Variants in HSF2BP observed in about 807,000 individuals in gnomAD.
HSF2BP encodes the protein heat shock factor 2-binding protein.
A neutral mutation model predicts 35.0 loss-of-function variants in HSF2BP; 35 were observed. That is an observed-to-expected ratio of 1.00 (90% CI 0.76 to 1.32). The LOEUF is 1.32. Ranked by LOEUF, HSF2BP falls within the 40% of genes most tolerant of loss-of-function variation. The pLI, the probability that HSF2BP is intolerant of heterozygous loss-of-function variation, is 0.00. For synonymous variants in HSF2BP, 114 were observed against 117.4 expected (o/e 0.97, Z 0.18); for missense variants, 326 against 321.7 (o/e 1.01, Z -0.10).
chr21:43,619,181 T>C (rs2082304931), intron 6 of HSF2BP, among the ~76,000 whole-genome samples: 1 of 152,048 alleles, frequency 6.6e-6, no homozygotes, highest in African/African-American at 2.4e-5. Flanking sequence ...AACCAAAAAA[T>C]TCATGTGACT....
At chr21:43,612,015 G>T (rs537301359) in intron 7 of HSF2BP, among the ~76,000 whole-genome samples, 2 of 152,134 alleles carry the variant, frequency 1.3e-5, no homozygotes, top group Admixed American at 1.3e-4. Context: ...GACCACCCAG[G>T]TCTCAGACTG....
chr21:43,659,126 C>T lies in HSF2BP; in HGVS notation c.-225+260G>A, dbSNP rs2082927358. On this transcript the variant is annotated intron_variant, in intron 1 of 8. Transcript: ENST00000291560. This position sits in a 1 kb window ranked among gnomAD's most constrained non-coding sequence, Gnocchi z 4.2. ...CAGCTTGGGCAACATAGCGAGACAC[C>T]GTCTCTACAAAAAAATAACAAATAG... 6.6e-6 allele frequency among the ~76,000 whole-genome samples: 1 copy of T among 152,000 alleles called. No homozygotes were observed. Among genetic ancestry groups the T allele is most frequent in the Non-Finnish European group, 1.5e-5 (1 of 68,000 alleles).
chr21:43,572,544 G>C (rs765024538), intron 8 of HSF2BP, among the ~76,000 whole-genome samples: 1 of 152,192 alleles, frequency 6.6e-6, no homozygotes, highest in South Asian at 2.1e-4. Flanking sequence ...CGCACACAGG[G>C]AAGGCCCACT....
chr21:43,656,700 T>C lies in HSF2BP; in HGVS notation c.74A>G (p.Lys25Arg). 1 of 1,613,998 alleles carries C rather than the reference T, an allele frequency of 6.2e-7. No individual in the cohort carries two copies. The highest frequency in any genetic ancestry group is 2.2e-5 in the East Asian group (1 of 44,872). ...AGTTGTCAGCCGTTCCAGATCCTTC[T>C]TTCTGACTTTAACAAATTCCTCTTT... ...GTKEEFVKVR[K>R]KDLERLTTEV... Residue 25 changes from lysine (K) to arginine (R), a missense_variant, in exon 3 of 9, where the codon AAG becomes AGG. Physicochemically the swap from Lys to Arg is conservative, Grantham distance 26 (BLOSUM62 2). Coordinates refer to ENST00000291560, the MANE Select transcript of HSF2BP (RefSeq NM_007031.2).
At chr21:43,628,644 G>A (rs1335494260) in intron 6 of HSF2BP, among the ~76,000 whole-genome samples, 1 of 152,220 alleles carries the variant, frequency 6.6e-6, no homozygotes, top group Non-Finnish European at 1.5e-5. Context: ...GCCGAGGGTG[G>A]TTACACTAAA....
intron 7 of HSF2BP, among the ~76,000 whole-genome samples, chr21:43,611,764 C>T (rs1293857139): frequency 2.0e-5 from 3 of 152,236 alleles, no homozygotes; most frequent in Non-Finnish European, 1.5e-5. Context: ...TCAACTCCTG[C>T]CGCAGGGCGG....
At chr21:43,657,734 C>T (rs898349667) in intron 2 of HSF2BP, 17 of 661,374 alleles carry the variant, frequency 2.6e-5, no homozygotes, top group Admixed American at 6.3e-5. Flanking sequence ...GGGGCCAGGG[C>T]CTTCGGAGGG....
intron 8 of HSF2BP, among the ~76,000 whole-genome samples, chr21:43,579,251 T>C (rs2081688474): frequency 1.3e-5 from 2 of 152,218 alleles, no homozygotes; most frequent in Non-Finnish European, 1.5e-5. Context: ...AGATCCTTCA[T>C]CAATGAGTTA....
rs1319345920 is a variant in HSF2BP at position 43,630,339 on chromosome 21, A to T, written c.557T>A (p.Leu186Gln). The T allele has an allele frequency of 6.2e-7, 1 of 1,612,354 alleles. No individual in the cohort carries two copies. Reference protein sequence around the residue: ...DSDESQFVFALAGIVTNVAAI... With the variant: ...DSDESQFVFAQAGIVTNVAAI... ...GCACTTACTCGTGACAATTCCAGCC[A>T]GAGCGAAAACAAACTGACTTTCATC... Residue 186 changes from leucine (L) to glutamine (Q), a missense_variant, in exon 6 of 9, where the codon CTG becomes CAG. Coordinates refer to ENST00000291560, the MANE Select transcript of HSF2BP (RefSeq NM_007031.2).
intron 3 of HSF2BP, among the ~76,000 whole-genome samples, chr21:43,647,258 G>A (rs764600901): frequency 1.3e-5 from 2 of 149,272 alleles, no homozygotes; most frequent in Non-Finnish European, 1.5e-5. Context: ...TTTTTTCCCC[G>A]AGACGGTGTC....
chr21:43,571,758 G>C (rs1601600799), intron 8 of HSF2BP, among the ~76,000 whole-genome samples: 1 of 117,726 alleles, frequency 8.5e-6, no homozygotes, highest in Non-Finnish European at 1.8e-5. Flanking sequence ...ACCCAACAAG[G>C]CAATGTGAGG....
intron 8 of HSF2BP, among the ~76,000 whole-genome samples, chr21:43,584,786 T>A (rs1373051025): frequency 2.0e-5 from 3 of 152,188 alleles, no homozygotes; most frequent in Non-Finnish European, 4.4e-5. Flanking sequence ...ACCCCGACAC[T>A]GCTGGGAAAG....
chr21:43,650,007 A>T (rs1158503076), intron 3 of HSF2BP, among the ~76,000 whole-genome samples: 1 of 152,236 alleles, frequency 6.6e-6, no homozygotes, highest in Non-Finnish European at 1.5e-5. Context: ...CTTCACAAGC[A>T]AAACTAAAAA....
intron 4 of HSF2BP, among the ~76,000 whole-genome samples, chr21:43,637,392 G>C (rs1225513666): frequency 6.6e-6 from 1 of 152,060 alleles, no homozygotes; most frequent in East Asian, 1.9e-4. Context: ...TGTTTGCCTG[G>C]GGCTGTGCAA....
At chr21:43,612,566 G>C (rs951862902) in intron 7 of HSF2BP, among the ~76,000 whole-genome samples, 1 of 151,244 alleles carries the variant, frequency 6.6e-6, no homozygotes, top group East Asian at 2.0e-4. Context: ...CAGGAGAATG[G>C]TGTGAACCCG....
chr21:43,605,389 C>G (rs1409091088), intron 7 of HSF2BP, among the ~76,000 whole-genome samples: 2 of 150,276 alleles, frequency 1.3e-5, no homozygotes, highest in Admixed American at 1.3e-4. Flanking sequence ...ACACACCACA[C>G]ACACACCACA....
chr21:43,650,796 T>C (rs35289585), intron 3 of HSF2BP, among the ~76,000 whole-genome samples: 150,242 of 150,242 alleles, frequency 1, 75,121 homozygotes, highest in Non-Finnish European at 1. Flanking sequence ...CAACCTCTGC[T>C]TCCTGGGTTC....
intron 6 of HSF2BP, among the ~76,000 whole-genome samples, chr21:43,629,023 C>T (rs1453455326): frequency 6.6e-6 from 1 of 152,176 alleles, no homozygotes; most frequent in Admixed American, 6.5e-5. Context: ...ATTGACAATG[C>T]ACCTGGTCAA....
chr21:43,637,075 G>C (rs544750885), intron 4 of HSF2BP, among the ~76,000 whole-genome samples: 1 of 151,944 alleles, frequency 6.6e-6, no homozygotes, highest in East Asian at 1.9e-4. Context: ...GATCACTTGG[G>C]GCCAGGAGTT....
Sources: gnomAD v4.1 joint callset for allele counts (sites outside exome capture counted in the v4.1 genomes callset) on GRCh38, gnomAD v4.1.1 for gene constraint, Gnocchi (gnomAD v3.1) non-coding constraint, MANE v1.5 for transcripts, NCBI Gene and HGNC (gene_info 2026-07-23, HGNC 2026-07-21) for gene names.